Variants in GALNT13 observed in about 807,000 individuals in gnomAD.
GALNT13 encodes the protein polypeptide N-acetylgalactosaminyltransferase 13.
GALNT13 carries 28 observed loss-of-function variants against 64.2 expected under a neutral mutation model. The ratio of observed to expected loss-of-function variants is 0.44; its 90% CI spans 0.32 to 0.60. The LOEUF is 0.60. Ranked by LOEUF, GALNT13 falls within the 20% of genes least tolerant of loss-of-function variation. The pLI is 0.05. For missense variants in GALNT13, 577 were observed against 669.8 expected (o/e 0.86, Z 1.53); for synonymous variants, 214 against 224.6 (o/e 0.95, Z 0.42).
At chr2:154,271,439 T>C (rs943147366) in intron 8 of GALNT13, among the ~76,000 whole-genome samples, 2 of 152,024 alleles carry the variant, frequency 1.3e-5, no homozygotes, top group Admixed American at 6.6e-5. Context: ...CCTAGAGTTA[T>C]GAGAAGATAG....
the GALNT13 span, among the ~76,000 whole-genome samples, chr2:153,302,166 C>T: frequency 0.032 from 4,830 of 152,190 alleles, 268 homozygotes; most frequent in African/African-American, 0.11. Context: ...TATATTCCCA[C>T]CAAAAAGTGT....
chr2:153,471,357 C>A, the GALNT13 span, among the ~76,000 whole-genome samples: 1 of 152,076 alleles, frequency 6.6e-6, no homozygotes, highest in Non-Finnish European at 1.5e-5. Flanking sequence ...GAAGGCCTGG[C>A]AAGGCCTCTT....
At chr2:153,249,094 C>T in the GALNT13 span, among the ~76,000 whole-genome samples, 3 of 152,194 alleles carry the variant, frequency 2.0e-5, no homozygotes, top group Non-Finnish European at 2.9e-5. Context: ...TAAATTATCT[C>T]TGTTTGCAGC....
At chr2:154,330,841 C>T (rs568199448) in intron 9 of GALNT13, among the ~76,000 whole-genome samples, 1 of 152,224 alleles carries the variant, frequency 6.6e-6, no homozygotes, top group South Asian at 2.1e-4. Context: ...AACAACATAA[C>T]CCTTCCTCAC....
the GALNT13 span, among the ~76,000 whole-genome samples, chr2:153,610,000 G>A: frequency 6.6e-6 from 1 of 152,080 alleles, no homozygotes; most frequent in South Asian, 2.1e-4. Flanking sequence ...TCAGATGAAG[G>A]GTAGGCTGTG....
intron 9 of GALNT13, among the ~76,000 whole-genome samples, chr2:154,395,608 G>A (rs544962193): frequency 3.3e-5 from 5 of 152,128 alleles, no homozygotes; most frequent in Admixed American, 6.5e-5. Context: ...TATAGGGAAA[G>A]TGTGAATATT....
chr2:153,498,743 T>C, the GALNT13 span, among the ~76,000 whole-genome samples: 50 of 152,220 alleles, frequency 3.3e-4, no homozygotes, highest in Non-Finnish European at 6.8e-4. Context: ...CCGCAGCTCT[T>C]CTCTCCTTCT....
intron 9 of GALNT13, among the ~76,000 whole-genome samples, chr2:154,372,711 T>C (rs1697767178): frequency 6.6e-6 from 1 of 152,090 alleles, no homozygotes; most frequent in African/African-American, 2.4e-5. Flanking sequence ...ATATCAAAGG[T>C]AATGTTACAT....
intron 9 of GALNT13, among the ~76,000 whole-genome samples, chr2:154,333,576 T>C (rs901788509): frequency 4.6e-5 from 7 of 152,238 alleles, no homozygotes; most frequent in African/African-American, 1.7e-4. Context: ...TCTTCAATTG[T>C]GTAAAACATT....
At chr2:153,747,926 A>G in the GALNT13 span, among the ~76,000 whole-genome samples, 1 of 152,140 alleles carries the variant, frequency 6.6e-6, no homozygotes, top group Non-Finnish European at 1.5e-5. Context: ...GTTGTTAGAC[A>G]CTTAGATTGC....
the GALNT13 span, among the ~76,000 whole-genome samples, chr2:153,814,247 T>C: frequency 6.6e-6 from 1 of 152,134 alleles, no homozygotes; most frequent in Non-Finnish European, 1.5e-5. Flanking sequence ...GAGACCATCC[T>C]GGCTAACATG....
the GALNT13 span, among the ~76,000 whole-genome samples, chr2:153,519,922 C>T: frequency 6.6e-6 from 1 of 152,038 alleles, no homozygotes; most frequent in African/African-American, 2.4e-5. Flanking sequence ...GCTAGCAACC[C>T]AGCAGCATAT....
chr2:153,213,821 T>C, the GALNT13 span, among the ~76,000 whole-genome samples: 14 of 152,314 alleles, frequency 9.2e-5, 1 homozygote, highest in Admixed American at 7.2e-4. Flanking sequence ...TTGTAGGGCA[T>C]TCACTGGCTG....
the GALNT13 span, among the ~76,000 whole-genome samples, chr2:153,308,716 T>C: frequency 4.6e-5 from 7 of 152,168 alleles, no homozygotes; most frequent in Non-Finnish European, 1.0e-4. Flanking sequence ...ACTAATGTTA[T>C]GTTAGAAGCA....
the GALNT13 span, among the ~76,000 whole-genome samples, chr2:153,640,416 A>T: frequency 1.3e-5 from 2 of 152,046 alleles, no homozygotes; most frequent in African/African-American, 4.8e-5. Flanking sequence ...TGATCACTAC[A>T]TTTGGATCAT....
chr2:153,555,579 T>C, the GALNT13 span, among the ~76,000 whole-genome samples: 1 of 152,248 alleles, frequency 6.6e-6, no homozygotes, highest in Non-Finnish European at 1.5e-5. Context: ...TAACAACTTG[T>C]AGTGATTAAT....
At chr2:153,565,318 G>A in the GALNT13 span, among the ~76,000 whole-genome samples, 1 of 152,120 alleles carries the variant, frequency 6.6e-6, no homozygotes. Flanking sequence ...GTAATGGCTG[G>A]AATCTTTCAA....
At chr2:153,475,963 C>T in the GALNT13 span, among the ~76,000 whole-genome samples, 2 of 152,122 alleles carry the variant, frequency 1.3e-5, no homozygotes, top group Non-Finnish European at 2.9e-5. Flanking sequence ...CTTGTCCTGT[C>T]GGTTAGCAAA....
rs139060809 is a variant in GALNT13 at position 154,359,488 on chromosome 2, A to G, written c.1157-36503A>G. Among the ~76,000 whole-genome samples the G allele has an allele frequency of 1.2e-4, 19 of 152,186 alleles. No homozygotes were observed. In the East Asian group the frequency reaches 3.7e-3, roughly 29 times the overall value. On this transcript the variant is annotated intron_variant, in intron 9 of 12. Coordinates refer to ENST00000392825, the MANE Select transcript of GALNT13 (RefSeq NM_052917.4). The stretch of plus-strand genomic sequence containing the variant: ...ACCATTCACCTACTGGAGGCTTCCT[A>G]GAATTGAAAGATCATGAAAATGTGG...
Sources: gnomAD v4.1 joint callset for allele counts (sites outside exome capture counted in the v4.1 genomes callset) on GRCh38, gnomAD v4.1.1 for gene constraint, MANE v1.5 for transcripts, NCBI Gene and HGNC (gene_info 2026-07-23, HGNC 2026-07-21) for gene names.